GOLGA8S: variants seen among roughly 807,000 people sequenced by gnomAD.
The protein encoded by GOLGA8S is golgin subfamily A member 8S.
Under a neutral mutation model 58.9 loss-of-function variants are expected in GOLGA8S, and 23 were observed. That is an observed-to-expected ratio of 0.39 (90% CI 0.28 to 0.55). The LOEUF is 0.55. Among genes scored for constraint, GOLGA8S ranks in the 20% least tolerant of loss-of-function variants. GOLGA8S has a pLI of 0.63. For synonymous variants in GOLGA8S, 84 were observed against 195.7 expected, an observed-to-expected ratio of 0.43 and a Z score of 4.76; for missense variants, 266 against 514.2, an observed-to-expected ratio of 0.52 and a Z score of 4.67.
chr15:23,365,117 C>T, exon 19 of GOLGA8S: 7 of 1,587,652 alleles, frequency 4.4e-6, no homozygotes, highest in Non-Finnish European at 6.0e-6. Flanking sequence ...GGCTTGGCTG[C>T]CAAGAAGAAG....
At chr15:23,368,366 T>C (rs2069954020), downstream of GOLGA8S, among the ~76,000 whole-genome samples, 1 of 151,928 alleles carries the variant, frequency 6.6e-6, no homozygotes, top group Non-Finnish European at 1.5e-5. Flanking sequence ...TCTTGAAAAC[T>C]ATAGTATTAA....
chr15:23,359,390 T>TG lies in GOLGA8S; in HGVS notation c.591+187dup, dbSNP rs995098330. Among the ~76,000 whole-genome samples, 6 of 142,498 alleles carry TG rather than the reference T, an allele frequency of 4.2e-5. 1 individual carries two copies. The highest frequency in any genetic ancestry group is 2.1e-4 in the East Asian group (1 of 4,798). 93.5% of individuals were successfully genotyped at this position (142,498 alleles called of 152,430 possible). Reference sequence around the variant, plus strand: ...ACTGAGTCAGCTGCTGTGGGTGAGTTGGGGGGCACTCTGGGGACAAAGCAC... The same window carrying TG: ...ACTGAGTCAGCTGCTGTGGGTGAGTTGGGGGGGCACTCTGGGGACAAAGCAC... On this transcript the variant is annotated intron_variant, in intron 8 of 18. Coordinates refer to ENST00000562295, the Ensembl canonical transcript of GOLGA8S.
downstream of GOLGA8S, chr15:23,365,387 C>T (rs957335081): frequency 3.8e-5 from 23 of 604,128 alleles, no homozygotes; most frequent in African/African-American, 4.3e-4. Flanking sequence ...AGGTCATTAG[C>T]ATGCATATCG....
At chr15:23,361,275 A>C (rs1226119056) in exon 12 of GOLGA8S, 1 of 1,480,460 alleles carries the variant, frequency 6.8e-7, no homozygotes, top group South Asian at 1.1e-5. Context: ...GAGCTGCAGC[A>C]CCTGAGGAAG....
At chr15:23,365,154 G>C, downstream of GOLGA8S, 3 of 1,586,186 alleles carry the variant, frequency 1.9e-6, no homozygotes, top group Non-Finnish European at 2.6e-6. Context: ...TCATCAAAGA[G>C]CTGCTCAAGA....
intron 13 of GOLGA8S, among the ~76,000 whole-genome samples, chr15:23,362,676 C>A (rs1022227991): frequency 7.1e-6 from 1 of 141,222 alleles, no homozygotes; most frequent in Non-Finnish European, 1.5e-5. Flanking sequence ...GGGAAGGAGG[C>A]ATGGGGTTCT....
chr15:23,364,313 C>T lies in GOLGA8S; in HGVS notation c.1348-30C>T, dbSNP rs779126606. 141 of 1,597,104 alleles carry T rather than the reference C, an allele frequency of 8.8e-5. 1 individual carries two copies. Among genetic ancestry groups the T allele is most frequent in the Middle Eastern group, 1.9e-4 (1 of 5,192 alleles). ...ATGCCACCTGAGGGCAGGTCGCTGC[C>T]GAGATGTGACTACAATATTTTGGCT... On this transcript the variant is annotated intron_variant, in intron 15 of 18. Coordinates refer to ENST00000562295, the Ensembl canonical transcript of GOLGA8S.
At chr15:23,360,603 G>T (rs564053946) in intron 10 of GOLGA8S, 71 bp downstream of exon 10, 2 of 1,151,328 alleles carry the variant, frequency 1.7e-6, no homozygotes, top group Admixed American at 3.4e-5. Flanking sequence ...TGTAAAATGG[G>T]AATAGTAGAG....
chr15:23,365,748 A>T (rs2140979), downstream of GOLGA8S: 1 of 169,574 alleles, frequency 5.9e-6, no homozygotes, highest in Non-Finnish European at 1.3e-5. Flanking sequence ...AAACCTTTTG[A>T]GGGAGCTTTT....
chr15:23,368,352 T>C (rs1222665471), downstream of GOLGA8S, among the ~76,000 whole-genome samples: 2 of 151,934 alleles, frequency 1.3e-5, no homozygotes, highest in Non-Finnish European at 2.9e-5. Context: ...TTTTATTTTG[T>C]GTTTCTTGAA....
chr15:23,360,674 T>G (rs1364552719), intron 10 of GOLGA8S, 54 bp from the exon 11 acceptor site: 1 of 1,210,408 alleles, frequency 8.3e-7, no homozygotes, highest in Non-Finnish European at 1.2e-6. Context: ...GAGGGCAGCC[T>G]GTCCAGCCTC....
chr15:23,361,868 G>A lies in GOLGA8S; in HGVS notation c.1179+76G>A. ...TGGGCACCAGCCTCTGGGGAGGGGA[G>A]GTGCCAGGCCAGCGGTAGCTCCAGC... On this transcript the variant is annotated intron_variant, in intron 13 of 18. Transcript: ENST00000562295. 14 of 840,716 alleles carry A rather than the reference G, an allele frequency of 1.7e-5. 3 individuals carry two copies. In the South Asian group the frequency reaches 1.8e-4, roughly 11 times the overall value. The allele number at this position is 840,716 out of a possible 1,614,324, so 52.1% of individuals were successfully genotyped here. A position where few individuals can be genotyped will look rare whatever the true frequency, so the allele number is the denominator to read the frequency against.
downstream of GOLGA8S, chr15:23,365,349 C>A: frequency 1.6e-6 from 1 of 626,234 alleles, no homozygotes; most frequent in South Asian, 2.1e-5. Context: ...CATCCTTTAG[C>A]ATTTTTCTTT....
Position 23,365,066 on chromosome 15 carries a change from C to A in GOLGA8S, c.1810C>A (p.Pro604Thr), listed in dbSNP as rs776419229. The A allele has an allele frequency of 8.2e-6, 13 of 1,580,658 alleles. 1 individual carries two copies. In the South Asian group the frequency reaches 1.3e-4, roughly 16 times the overall value. Residue 604 changes from proline to threonine, a missense_variant, in exon 19 of 19, where the codon CCA becomes ACA. By Grantham distance (38) the Pro-to-Thr change is conservative. Coordinates refer to ENST00000562295, the Ensembl canonical transcript of GOLGA8S. ...GATCGTGCAGGACCACCAGGAGCAC[C>A]CAGGCTTGGGCAACAACTGCTGTGT...
At chr15:23,361,067 C>G (rs564188581) in intron 11 of GOLGA8S, among the ~76,000 whole-genome samples, 154 bp from the exon 12 acceptor site, 12 of 149,390 alleles carry the variant, frequency 8.0e-5, no homozygotes, top group Admixed American at 4.0e-4. Context: ...CATCTGGGTG[C>G]GAGGAATCAT....
At chr15:23,364,573 C>A (rs771135150) in exon 17 of GOLGA8S, 2 of 1,573,280 alleles carry the variant, frequency 1.3e-6, no homozygotes, top group East Asian at 2.2e-5. Context: ...GCCAAAGATG[C>A]GGCACTGGGA....
Position 23,356,297 on chromosome 15 carries a change from G to C in GOLGA8S, c.49-294G>C, listed in dbSNP as rs1306119550. Among the ~76,000 whole-genome samples, 33 of 143,484 alleles carry C rather than the reference G, an allele frequency of 2.3e-4. 1 individual carries two copies. The highest frequency in any genetic ancestry group is 2.1e-3 in the South Asian group (9 of 4,354). 94.1% of individuals were successfully genotyped at this position (143,484 alleles called of 152,430 possible). On this transcript the variant is annotated intron_variant, in intron 1 of 18. Coordinates refer to ENST00000562295, the Ensembl canonical transcript of GOLGA8S. ...TGCCTACTTAATGTTTACTTTTCTA[G>C]CTCTGCCTCTGGTTTTGGTCCCTGG...
chr15:23,361,272 A>G (rs1294234365), exon 12 of GOLGA8S: 1 of 1,485,204 alleles, frequency 6.7e-7, no homozygotes, highest in South Asian at 1.1e-5. Flanking sequence ...GCGGAGCTGC[A>G]GCACCTGAGG....
At position 23,361,304 on chromosome 15, in the gene GOLGA8S, G is replaced by A. The variant is rs546433515; in HGVS notation, c.958G>A (p.Gly320Arg). 1.5e-3 allele frequency: 2,006 copies of A among 1,377,902 alleles called. 61 individuals carry two copies. The South Asian group carries it at 0.022, about 15-fold the overall frequency. The allele number at this position is 1,377,902 out of a possible 1,614,324, so 85.4% of individuals were successfully genotyped here. The change falls in exon 12 of 19, where the codon GGA (glycine) becomes AGA (arginine). Residue 320 changes from glycine to arginine, a missense_variant. Gly to Arg is a moderately radical substitution (Grantham distance 125, BLOSUM62 -2). Transcript: ENST00000562295. ...GAGGAAGGAACTAGAGAGAGTGGCA[G>A]GAGCGCTCCAGGCCCAGGTGGAGTA...
Sources: gnomAD v4.1 joint callset for allele counts (sites outside exome capture counted in the v4.1 genomes callset) on GRCh38, gnomAD v4.1.1 for gene constraint, MANE v1.5 for transcripts, NCBI Gene and HGNC (gene_info 2026-07-23, HGNC 2026-07-21) for gene names.